Variants in THRB observed in about 807,000 individuals in gnomAD.
THRB encodes the protein thyroid hormone receptor beta.
THRB carries 12 observed loss-of-function variants against 47.8 expected under a neutral mutation model. The ratio of observed to expected loss-of-function variants is 0.25; its 90% CI spans 0.16 to 0.41. The LOEUF (loss-of-function observed/expected upper bound fraction) is 0.41, where lower values mean the gene tolerates loss of function less well. Ranked by LOEUF, THRB falls within the 10% of genes least tolerant of loss-of-function variation. The probability of loss-of-function intolerance (pLI) is 1.00; values close to 1 mark genes in which losing one functional copy is unlikely to be tolerated. For synonymous variants in THRB, 218 were observed against 212.2 expected (o/e 1.03, Z -0.24); for missense variants, 348 against 589.2 (o/e 0.59, Z 4.24).
At chr3:24,154,563 C>T (rs973338101) in intron 5 of THRB, among the ~76,000 whole-genome samples, 3 of 152,142 alleles carry the variant, frequency 2.0e-5, no homozygotes, top group African/African-American at 7.2e-5. Flanking sequence ...CAATGAGATA[C>T]CACTTTACAC....
chr3:24,279,876 C>T (rs2054362573), intron 3 of THRB, among the ~76,000 whole-genome samples: 1 of 152,118 alleles, frequency 6.6e-6, no homozygotes, highest in African/African-American at 2.4e-5. Flanking sequence ...GATCCATGGA[C>T]CATGGTCCCC....
At chr3:24,450,393 T>A (rs2072534124) in intron 1 of THRB, among the ~76,000 whole-genome samples, 1 of 152,256 alleles carries the variant, frequency 6.6e-6, no homozygotes, top group South Asian at 2.1e-4. Context: ...TTATTTCCTC[T>A]GAACATTTAC....
intron 3 of THRB, among the ~76,000 whole-genome samples, chr3:24,280,977 T>A (rs1353778950): frequency 1.3e-5 from 2 of 152,038 alleles, no homozygotes; most frequent in East Asian, 1.9e-4. Context: ...TACCTGAAAG[T>A]GATGGGGAGA....
intron 1 of THRB, among the ~76,000 whole-genome samples, chr3:24,436,449 T>C (rs1379162800): frequency 6.6e-6 from 1 of 151,948 alleles, no homozygotes; most frequent in Non-Finnish European, 1.5e-5. Flanking sequence ...AAAGTTCAGG[T>C]TTCTTAAAAT....
rs112777571 is a variant in THRB at position 24,262,046 on chromosome 3, C to G, written c.-42-33045G>C. Among the ~76,000 whole-genome samples the G allele has an allele frequency of 3.3e-3, 503 of 152,202 alleles. 1 individual carries two copies. Among genetic ancestry groups the G allele is most frequent in the African/African-American group, 0.012 (488 of 41,508 alleles). On this transcript the variant is annotated intron_variant, in intron 3 of 10. Coordinates refer to ENST00000646209, the MANE Select transcript of THRB (RefSeq NM_001354712.2). ...TTTCCCAAATATGTGTCTCTATAGA[C>G]CCCAGACCTCTCCTTGAACTCTAGA...
At chr3:24,385,897 C>G (rs947498918) in intron 1 of THRB, among the ~76,000 whole-genome samples, 3 of 152,146 alleles carry the variant, frequency 2.0e-5, no homozygotes, top group Non-Finnish European at 4.4e-5. Context: ...ACTGAAAGTT[C>G]ACATACTTCA....
intron 1 of THRB, among the ~76,000 whole-genome samples, chr3:24,461,152 G>T (rs1290601758): frequency 6.6e-6 from 1 of 152,122 alleles, no homozygotes; most frequent in Non-Finnish European, 1.5e-5. Flanking sequence ...TAAGAAAAAA[G>T]AATTCATCAG....
chr3:24,299,789 A>ATTT (rs66468679), intron 2 of THRB, among the ~76,000 whole-genome samples: 1 of 69,080 alleles, frequency 1.4e-5, no homozygotes, highest in Non-Finnish European at 2.8e-5. Context: ...TTATTTATTT[A>ATTT]TTTTTTTTTT....
intron 5 of THRB, among the ~76,000 whole-genome samples, chr3:24,178,441 T>C (rs549522240): frequency 6.6e-6 from 1 of 152,132 alleles, no homozygotes; most frequent in Non-Finnish European, 1.5e-5. Flanking sequence ...CAGTGAGCTA[T>C]TAGCTCACCA....
At chr3:24,444,239 T>C (rs1419551848) in intron 1 of THRB, among the ~76,000 whole-genome samples, 2 of 152,114 alleles carry the variant, frequency 1.3e-5, no homozygotes, top group Non-Finnish European at 2.9e-5. Flanking sequence ...GGAAAGATGA[T>C]AGAATCATTT....
intron 3 of THRB, among the ~76,000 whole-genome samples, chr3:24,270,274 T>C (rs1487878203): frequency 6.6e-6 from 1 of 152,196 alleles, no homozygotes; most frequent in African/African-American, 2.4e-5. Flanking sequence ...CTGGACAGGG[T>C]GCAATTTTAT....
At chr3:24,441,022 G>A (rs537865857) in intron 1 of THRB, among the ~76,000 whole-genome samples, 32 of 152,254 alleles carry the variant, frequency 2.1e-4, no homozygotes, top group African/African-American at 7.7e-4. Context: ...CTCAGCTATG[G>A]CTTGGGGTCT....
In THRB at chr3:24,118,973, G is replaced by GTTTTTTTTTTTT. The variant is rs559325556; in HGVS notation, c.*3899_*3910dup. ...GCCAAACCTTTTTTCCCCCAGTCTG[G>GTTTTTTTTTTTT]TTTTTTTTTTTTTTTTTTTTTTTTT... On this transcript the variant is annotated 3_prime_UTR_variant, in exon 11 of 11. Transcript: ENST00000646209. The GTTTTTTTTTTTT allele has an allele frequency of 4.0e-5, 2 of 49,530 alleles. No individual in the cohort carries two copies. Among genetic ancestry groups the GTTTTTTTTTTTT allele is most frequent in the Non-Finnish European group, 8.1e-5 (2 of 24,682 alleles). 3.1% of individuals were successfully genotyped at this position (49,530 alleles called of 1,614,324 possible). A position where few individuals can be genotyped will look rare whatever the true frequency, so the allele number is the denominator to read the frequency against.
intron 5 of THRB, among the ~76,000 whole-genome samples, chr3:24,172,479 A>G (rs1176502727): frequency 6.6e-6 from 1 of 152,090 alleles, no homozygotes; most frequent in African/African-American, 2.4e-5. Context: ...ATTTGTTTCT[A>G]ATTTTTTCCC....
intron 3 of THRB, among the ~76,000 whole-genome samples, chr3:24,287,990 C>G (rs1474958458): frequency 6.6e-6 from 1 of 152,214 alleles, no homozygotes; most frequent in Non-Finnish European, 1.5e-5. Flanking sequence ...TATAGCTTCA[C>G]AAAAGCTGTG....
At chr3:24,319,051 T>A (rs1306971079) in intron 2 of THRB, among the ~76,000 whole-genome samples, 1 of 152,214 alleles carries the variant, frequency 6.6e-6, no homozygotes, top group African/African-American at 2.4e-5. Context: ...AAAGCCACAA[T>A]GAGAGACTAT....
chr3:24,193,057 T>G (rs1489406976), intron 4 of THRB, among the ~76,000 whole-genome samples: 1 of 152,136 alleles, frequency 6.6e-6, no homozygotes, highest in Non-Finnish European at 1.5e-5. Context: ...AGGATGAGAC[T>G]CCCATGACAC....
At chr3:24,444,759 A>C (rs556507703) in intron 1 of THRB, among the ~76,000 whole-genome samples, 1 of 151,942 alleles carries the variant, frequency 6.6e-6, no homozygotes, top group Non-Finnish European at 1.5e-5. Flanking sequence ...CTAATTTTGT[A>C]TTTTTAGTGG....
At chr3:24,277,989 T>C (rs561889899) in intron 3 of THRB, among the ~76,000 whole-genome samples, 27 of 152,338 alleles carry the variant, frequency 1.8e-4, no homozygotes, top group African/African-American at 5.3e-4. Flanking sequence ...AGTTTCATTA[T>C]GCTGGGTTTT....
Sources: allele counts gnomAD v4.1 joint callset (sites outside exome capture counted in the v4.1 genomes callset), GRCh38; gene constraint gnomAD v4.1.1; transcripts MANE v1.5; gene names NCBI Gene and HGNC (gene_info 2026-07-23, HGNC 2026-07-21).